The following SNX13 variants were observed in gnomAD, a reference collection of about 807,000 sequenced individuals.
SNX13 encodes the protein sorting nexin 13.
A neutral mutation model predicts 133.6 loss-of-function variants in SNX13; 45 were observed. That is an observed-to-expected ratio of 0.34 (90% CI 0.27 to 0.43). The LOEUF (loss-of-function observed/expected upper bound fraction) is 0.43, where lower values mean the gene tolerates loss of function less well. SNX13 is among the 20% of genes least tolerant of loss of function. The pLI is 1.00. For synonymous variants in SNX13, 414 were observed against 373.9 expected, an observed-to-expected ratio of 1.11 and a Z score of -1.24; for missense variants, 1,032 against 1,145.1, an observed-to-expected ratio of 0.90 and a Z score of 1.43.
intron 1 of SNX13, among the ~76,000 whole-genome samples, chr7:17,920,849 G>C (rs935151402): frequency 1.3e-5 from 2 of 152,236 alleles, no homozygotes; most frequent in East Asian, 1.9e-4. Context: ...CCTATAAATA[G>C]TTGCTCACAA....
intron 9 of SNX13, among the ~76,000 whole-genome samples, chr7:17,862,748 T>C (rs918108745): frequency 6.6e-6 from 1 of 152,300 alleles, no homozygotes; most frequent in South Asian, 2.1e-4. Flanking sequence ...CCAATGCTGC[T>C]ATGAACGGTC....
At chr7:17,875,329 T>G (rs1794598627) in intron 7 of SNX13, 151 bp downstream of exon 7, 1 of 609,308 alleles carries the variant, frequency 1.6e-6, no homozygotes, top group Non-Finnish European at 2.8e-6. Context: ...AAACTACTTT[T>G]AAGAGTTACA....
At chr7:17,909,004 A>T (rs895075001) in intron 1 of SNX13, among the ~76,000 whole-genome samples, 2 of 152,204 alleles carry the variant, frequency 1.3e-5, no homozygotes, top group Non-Finnish European at 2.9e-5. Flanking sequence ...TAGGCACTGA[A>T]GCAAGGAACG....
At chr7:17,819,094 A>G (rs4628173) in intron 18 of SNX13, among the ~76,000 whole-genome samples, 10,267 of 152,290 alleles carry the variant, frequency 0.067, 485 homozygotes, top group South Asian at 0.15. Flanking sequence ...TGTTAAATCA[A>G]TGAATGAGCA....
intron 9 of SNX13, among the ~76,000 whole-genome samples, chr7:17,867,384 A>G (rs1233214894): frequency 6.6e-6 from 1 of 152,204 alleles, no homozygotes; most frequent in African/African-American, 2.4e-5. Flanking sequence ...AGGCAGGCAG[A>G]TCGCTTGAGC....
chr7:17,934,625 A>C (rs890621411), intron 1 of SNX13, among the ~76,000 whole-genome samples: 3 of 152,198 alleles, frequency 2.0e-5, no homozygotes, highest in Non-Finnish European at 4.4e-5. Flanking sequence ...ACTTGGGAGA[A>C]AGTGTAAACC....
In SNX13 at chr7:17,883,176, A is replaced by G. The variant is rs141293611; in HGVS notation, c.440+7187T>C. On this transcript the variant is annotated intron_variant, in intron 5 of 25. Transcript: ENST00000428135. The stretch of plus-strand genomic sequence containing the variant: ...GTGCAGTCCTATATCCTATATTTCA[A>G]TGCTTCAAAGAGATTCCAATATCCA... Among the ~76,000 whole-genome samples, 371 of 152,344 alleles carry G rather than the reference A, an allele frequency of 2.4e-3. 1 individual carries two copies. Among genetic ancestry groups the G allele is most frequent in the African/African-American group, 8.3e-3 (347 of 41,588 alleles).
At chr7:17,884,666 A>G (rs1795778878) in intron 5 of SNX13, among the ~76,000 whole-genome samples, 1 of 152,180 alleles carries the variant, frequency 6.6e-6, no homozygotes, top group Non-Finnish European at 1.5e-5. Flanking sequence ...TTCATTTTTC[A>G]TAGACACTGG....
chr7:17,909,215 G>A (rs1798695859), intron 1 of SNX13, among the ~76,000 whole-genome samples: 1 of 152,164 alleles, frequency 6.6e-6, no homozygotes, highest in Non-Finnish European at 1.5e-5. Context: ...AGATGCTAAT[G>A]AGGTTGTGGA....
chr7:17,860,566 C>T (rs992897035), intron 9 of SNX13, among the ~76,000 whole-genome samples: 3 of 152,184 alleles, frequency 2.0e-5, no homozygotes, highest in African/African-American at 4.8e-5. Flanking sequence ...CTAAGAAGCT[C>T]TTCCCTTACA....
At chr7:17,933,129 G>C (rs1021925857) in intron 1 of SNX13, among the ~76,000 whole-genome samples, 2 of 152,098 alleles carry the variant, frequency 1.3e-5, no homozygotes, top group African/African-American at 4.8e-5. Flanking sequence ...GCTTTTCAAG[G>C]ATTTACCAAG....
chr7:17,798,277 T>TA (rs1784271232), intron 24 of SNX13, among the ~76,000 whole-genome samples: 1 of 151,770 alleles, frequency 6.6e-6, no homozygotes, highest in Non-Finnish European at 1.5e-5. Context: ...CAATATTTAA[T>TA]AAAAAATTAC....
chr7:17,927,384 A>G (rs1800883912), intron 1 of SNX13, among the ~76,000 whole-genome samples: 1 of 151,970 alleles, frequency 6.6e-6, no homozygotes, highest in Non-Finnish European at 1.5e-5. Flanking sequence ...CTAGGACTAC[A>G]GGCACACACC....
intron 21 of SNX13, among the ~76,000 whole-genome samples, chr7:17,803,203 T>C (rs1784827333): frequency 6.6e-6 from 1 of 152,214 alleles, no homozygotes; most frequent in Admixed American, 6.5e-5. Flanking sequence ...TTTAAAACCC[T>C]ACCACAGCAG....
chr7:17,801,560 A>T (rs781710155), intron 22 of SNX13, 28 bp downstream of exon 22: 4 of 1,570,232 alleles, frequency 2.5e-6, no homozygotes, highest in Non-Finnish European at 3.5e-6. Context: ...ACTTAAACTA[A>T]ATACTACCAA....
chr7:17,933,413 C>A (rs923275321), intron 1 of SNX13, among the ~76,000 whole-genome samples: 1 of 152,016 alleles, frequency 6.6e-6, no homozygotes, highest in Non-Finnish European at 1.5e-5. Context: ...CGTGCTGGCA[C>A]GCGCCTGTAG....
At chr7:17,910,119 C>G (rs1457645206) in intron 1 of SNX13, among the ~76,000 whole-genome samples, 4 of 152,138 alleles carry the variant, frequency 2.6e-5, no homozygotes, top group South Asian at 4.1e-4. Flanking sequence ...CTTCAAAGTA[C>G]CCAAGACTAT....
chr7:17,797,618 C>T (rs1226279630), intron 24 of SNX13, among the ~76,000 whole-genome samples: 1 of 151,768 alleles, frequency 6.6e-6, no homozygotes, highest in Admixed American at 6.6e-5. Flanking sequence ...GCTTTACAGG[C>T]TCTTCATGTT....
At chr7:17,854,980 T>G (rs2128330902) in intron 9 of SNX13, among the ~76,000 whole-genome samples, 1 of 151,856 alleles carries the variant, frequency 6.6e-6, no homozygotes, top group South Asian at 2.1e-4. Context: ...AATATGAGAA[T>G]GCAAAAAATA....
Sources: allele counts gnomAD v4.1 joint callset (sites outside exome capture counted in the v4.1 genomes callset), GRCh38; gene constraint gnomAD v4.1.1; transcripts MANE v1.5; gene names NCBI Gene and HGNC (gene_info 2026-07-23, HGNC 2026-07-21).